Variants in CCDC142 observed in about 807,000 individuals in gnomAD.
CCDC142 encodes the protein coiled-coil domain-containing protein 142.
A neutral mutation model predicts 83.8 loss-of-function variants in CCDC142; 67 were observed. The observed-to-expected ratio is 0.80, with a 90% CI of 0.66 to 0.98. The LOEUF (loss-of-function observed/expected upper bound fraction) is 0.98. Ranked by LOEUF, CCDC142 falls within the 50% of genes least tolerant of loss-of-function variation. The pLI, the probability that CCDC142 is intolerant of heterozygous loss-of-function variation, is 0.00. For synonymous variants in CCDC142, 421 were observed against 421.2 expected, an observed-to-expected ratio of 1.00 and a Z score of 0.01; for missense variants, 905 against 946.8, an observed-to-expected ratio of 0.96 and a Z score of 0.58.
chr2:74,482,592 G>T lies in CCDC142; in HGVS notation c.246C>A (p.Gly82=). 1 of 1,603,920 alleles carries T rather than the reference G, an allele frequency of 6.2e-7. No homozygotes were observed. Among genetic ancestry groups the T allele is most frequent in the Non-Finnish European group, 8.5e-7 (1 of 1,175,466 alleles). The change falls in exon 1 of 9, where the codon GGC becomes GGA. Residue 82 remains glycine (G), a synonymous_variant. Transcript: ENST00000393965. The surrounding 1 kb of genome is among the most constrained non-coding windows in gnomAD (Gnocchi z 5.0). ...AAWRRGPAGG[G]PIPPALQRLR... is the part of the protein sequence containing the mutation. ...GACGCTGCAGCGCGGGAGGGATCGG[G>T]CCGCCACCTGCGGGCCCCCGCCTCC...
rs1672543285 is a variant in CCDC142 at position 74,482,424 on chromosome 2, G to C, written c.414C>G (p.Pro138=). The change falls in exon 1 of 9, where the codon CCC becomes CCG. Residue 138 remains proline, a synonymous_variant. Coordinates refer to ENST00000393965, the MANE Select transcript of CCDC142 (RefSeq NM_001365575.2). This position sits in a 1 kb window ranked among gnomAD's most constrained non-coding sequence, Gnocchi z 5.0. ...GCAGCTGCAGGTCGCGGCACCACTG[G>C]GGCAAGGGGCTAGGGCCGCCGGATG... ...GSPSGGPSPL[P]QWCRDLQLHP... 6.4e-7 allele frequency: 1 copy of C among 1,558,522 alleles called. No homozygotes were observed. The highest frequency in any genetic ancestry group is 8.7e-7 in the Non-Finnish European group (1 of 1,151,328).
rs1404684250 is a variant in CCDC142 at position 74,482,947 on chromosome 2, G to C, written c.-110C>G. ...GCAAGAGCCGTTTTCTCCAGTCCGG[G>C]AGTCGCGGGGACCTTCATGGACTCT... On this transcript the variant is annotated 5_prime_UTR_variant, in exon 1 of 9. Transcript: ENST00000393965. The surrounding 1 kb of genome is among the most constrained non-coding windows in gnomAD (Gnocchi z 5.0). 1.3e-6 allele frequency: 2 copies of C among 1,555,126 alleles called. No homozygotes were observed. Among genetic ancestry groups the C allele is most frequent in the Non-Finnish European group, 1.8e-6 (2 of 1,140,124 alleles).
In CCDC142 at chr2:74,474,676, C is replaced by T; in HGVS notation, c.2123G>A (p.Gly708Glu). ...AQTGQLQSTL[G>E]GRGPSPEGYL... ...GCCCTCCGGGCTAGGTCCCCTTCCT[C>T]CTAGTGTGCTTTGCAGCTGACCTGT... Residue 708 changes from glycine to glutamate, a missense_variant, in exon 9 of 9, where the codon GGA becomes GAA. Coordinates refer to ENST00000393965, the MANE Select transcript of CCDC142 (RefSeq NM_001365575.2). The T allele has an allele frequency of 6.2e-7, 1 of 1,614,232 alleles. No individual in the cohort carries two copies. The highest frequency in any genetic ancestry group is 1.1e-5 in the South Asian group (1 of 91,086).
rs1233185080 is a variant in CCDC142 at position 74,474,921 on chromosome 2, C to A, written c.1991G>T (p.Cys664Phe). Reference sequence around the variant, plus strand: ...AGCGAAGGGGAGTAACTCACAGCAACAGGGGGGCCTCCTGTGGACTTGAGA... The same window carrying A: ...AGCGAAGGGGAGTAACTCACAGCAAAAGGGGGGCCTCCTGTGGACTTGAGA... ...PKSQVHRRPPCCCACQEVQTT... is the reference protein window; with the variant it reads ...PKSQVHRRPPFCCACQEVQTT... Residue 664 changes from cysteine (C) to phenylalanine (F), a missense_variant, in exon 8 of 9, where the codon TGT becomes TTT. By Grantham distance (205) the Cys-to-Phe change is radical. This residue lies in a region of CCDC142 where 265 missense variants were observed against 288.9 expected (regional missense o/e 0.92). Coordinates refer to ENST00000393965, the MANE Select transcript of CCDC142 (RefSeq NM_001365575.2). The A allele has an allele frequency of 6.3e-7, 1 of 1,592,664 alleles. No homozygotes were observed. Among genetic ancestry groups the A allele is most frequent in the African/African-American group, 1.3e-5 (1 of 74,512 alleles).
intron 5 of CCDC142, among the ~76,000 whole-genome samples, chr2:74,479,327 C>T (rs1311945802): frequency 7.9e-5 from 12 of 152,130 alleles, no homozygotes; most frequent in East Asian, 1.9e-4. Flanking sequence ...CACCCCTATT[C>T]GGGGCAAAGA....
rs1672515595 is a variant in CCDC142, at chr2:74,482,159, C to G, written c.679G>C (p.Ala227Pro). 1.2e-6 allele frequency: 2 copies of G among 1,613,730 alleles called. No individual in the cohort carries two copies. Among genetic ancestry groups the G allele is most frequent in the East Asian group, 4.5e-5 (2 of 44,878 alleles). ...RKALSHVPGA[A>P]RPFPTSRVLR... ...ACACGGGACGTGGGGAAAGGACGTGCGGCCCCTGGGACGTGGCTCAAGGCT... is the reference window on the plus strand; with the variant it reads ...ACACGGGACGTGGGGAAAGGACGTGGGGCCCCTGGGACGTGGCTCAAGGCT... The change falls in exon 1 of 9, where the codon GCA (alanine) becomes CCA (proline). Residue 227 changes from alanine to proline, a missense_variant. Around this residue, in one of 3 missense-constraint regions of CCDC142, gnomAD observed 591 missense variants for 571.4 expected, o/e 1.03. Coordinates refer to ENST00000393965, the MANE Select transcript of CCDC142 (RefSeq NM_001365575.2). This position sits in a 1 kb window ranked among gnomAD's most constrained non-coding sequence, Gnocchi z 5.0.
intron 5 of CCDC142, among the ~76,000 whole-genome samples, chr2:74,478,619 C>CA (rs1423345576): frequency 1.3e-5 from 2 of 151,600 alleles, no homozygotes; most frequent in African/African-American, 4.8e-5. Context: ...TCAGGCGATC[C>CA]ACCCACCTTG....
rs1347504290 is a variant in CCDC142, at chr2:74,475,212, C to T, written c.1796+13G>A. ...TCCATTCACCCCCTGCCACTTCCAC[C>T]TTTACTCCTGACCTGAACCGAATCC... On this transcript the variant is annotated intron_variant, in intron 7 of 8. Transcript: ENST00000393965. The T allele has an allele frequency of 7.4e-6, 12 of 1,614,224 alleles. No individual in the cohort carries two copies. Among genetic ancestry groups the T allele is most frequent in the Non-Finnish European group, 9.3e-6 (11 of 1,180,026 alleles).
Position 74,480,752 on chromosome 2 carries a change from G to A in CCDC142, c.1503+17C>T. ...CATAGGGTCTTACACTGCCACTGTT[G>A]AGGCCCCTGTTCTCACCTGGATCTG... is the stretch of plus-strand genomic sequence containing the variant. On this transcript the variant is annotated intron_variant, in intron 5 of 8. Coordinates refer to ENST00000393965, the MANE Select transcript of CCDC142 (RefSeq NM_001365575.2). The A allele has an allele frequency of 4.4e-6, 7 of 1,580,252 alleles. No individual in the cohort carries two copies. The highest frequency in any genetic ancestry group is 6.1e-6 in the Non-Finnish European group (7 of 1,151,618).
rs750693754 is a variant in CCDC142 at position 74,481,889 on chromosome 2, G to T, written c.949C>A (p.Leu317Met). The change falls in exon 1 of 9, where the codon CTG (leucine) becomes ATG (methionine). Residue 317 changes from leucine (L) to methionine (M), a missense_variant. Leu to Met is a conservative substitution (Grantham distance 15). This residue lies in a region of CCDC142 where 591 missense variants were observed against 571.4 expected (regional missense o/e 1.03). Transcript: ENST00000393965. Reference sequence around the variant, plus strand: ...CTCCAGGGTCCCAGATTTAGGTCCAGACTCTGAGCACAGGCTGCCCACAGC... The same window carrying T: ...CTCCAGGGTCCCAGATTTAGGTCCATACTCTGAGCACAGGCTGCCCACAGC... ...TLLWAACAQS[L>M]DLNLGPWRDP... 2.9e-5 allele frequency: 47 copies of T among 1,614,170 alleles called. No individual in the cohort carries two copies. Among genetic ancestry groups the T allele is most frequent in the Non-Finnish European group, 3.9e-5 (46 of 1,180,024 alleles).
In CCDC142 at chr2:74,482,006, G is replaced by C. The variant is rs1572932983; in HGVS notation, c.832C>G (p.Leu278Val). 50 of 1,613,730 alleles carry C rather than the reference G, an allele frequency of 3.1e-5. No individual in the cohort carries two copies. The East Asian group carries it at 1.1e-3, about 35-fold the overall frequency. Reference sequence around the variant, plus strand: ...GCCACGCCCCCGACCAGGCCCAGCAGCCCTGGTAGCAGATCCCCCTCCTCT... The same window carrying C: ...GCCACGCCCCCGACCAGGCCCAGCACCCCTGGTAGCAGATCCCCCTCCTCT... The part of the protein sequence containing the change: ...CQEEGDLLPG[L>V]LGLVGGVAGS... Residue 278 changes from leucine to valine, a missense_variant, in exon 1 of 9, where the codon CTG becomes GTG. Around this residue, in one of 3 missense-constraint regions of CCDC142, gnomAD observed 591 missense variants for 571.4 expected, o/e 1.03. Coordinates refer to ENST00000393965, the MANE Select transcript of CCDC142 (RefSeq NM_001365575.2). The surrounding 1 kb of genome is among the most constrained non-coding windows in gnomAD (Gnocchi z 5.0).
chr2:74,481,555 C>T lies in CCDC142; in HGVS notation c.1022-17G>A. ...GCAGGGATGCTAGTGGGAGAAATGACTCTGGGGCCTGAAAACAAGGTCTCA... is the reference window on the plus strand; with the variant it reads ...GCAGGGATGCTAGTGGGAGAAATGATTCTGGGGCCTGAAAACAAGGTCTCA... On this transcript the variant is annotated splice_polypyrimidine_tract_variant and intron_variant, in intron 1 of 8. Transcript: ENST00000393965. 2 of 1,612,154 alleles carry T rather than the reference C, an allele frequency of 1.2e-6. No individual in the cohort carries two copies. The highest frequency in any genetic ancestry group is 1.1e-5 in the South Asian group (1 of 90,996).
intron 7 of CCDC142, 32 bp from the exon 8 acceptor site, chr2:74,475,147 C>G: frequency 6.2e-7 from 1 of 1,610,890 alleles, no homozygotes; most frequent in African/African-American, 1.3e-5. Flanking sequence ...GGCCACTTGA[C>G]CCTCCTGCCT....
intron 5 of CCDC142, among the ~76,000 whole-genome samples, chr2:74,476,316 G>T (rs1379509637): frequency 2.0e-5 from 3 of 152,104 alleles, no homozygotes; most frequent in Non-Finnish European, 2.9e-5. Flanking sequence ...GGGACTACAG[G>T]AGTGCACCAC....
chr2:74,481,054 G>A lies in CCDC142; in HGVS notation c.1291C>T (p.Leu431Phe). 1 of 1,614,020 alleles carries A rather than the reference G, an allele frequency of 6.2e-7. No individual in the cohort carries two copies. Among genetic ancestry groups the A allele is most frequent in the Non-Finnish European group, 8.5e-7 (1 of 1,179,974 alleles). Residue 431 changes from leucine to phenylalanine, a missense_variant, in exon 4 of 9, where the codon CTT becomes TTT. Around this residue, in one of 3 missense-constraint regions of CCDC142, gnomAD observed 591 missense variants for 571.4 expected, o/e 1.03. Coordinates refer to ENST00000393965, the MANE Select transcript of CCDC142 (RefSeq NM_001365575.2). The part of the protein sequence containing the change: ...PAPVALGLCT[L>F]QTTLLWFLGR... ...AGGAACCAGAGCAAGGTGGTCTGAA[G>A]GGTACAGAGACCTAGGGCGACAGGC...
chr2:74,475,347 C>T lies in CCDC142; in HGVS notation c.1674G>A (p.Glu558=). ...ACCCTTGCAATCCTTGCAACACAGG[C>T]TCCAGTACGGTGCGGACCACTAAAC... ...YAGLVVRTVL[E]PVLQGLQGLP... Residue 558 remains glutamate, a synonymous_variant, in exon 7 of 9, where the codon GAG becomes GAA. Transcript: ENST00000393965. The T allele has an allele frequency of 6.2e-7, 1 of 1,611,992 alleles. No individual in the cohort carries two copies.
At position 74,482,356 on chromosome 2, in the gene CCDC142, G is replaced by A; in HGVS notation, c.482C>T (p.Thr161Ile). ...GAVLRIGPGE[T>I]LEPLLLARPI... ...GCGCGCTAGCAGCAGCGGCTCGAGA[G>A]TCTCCCCAGGGCCGATTCGCAGAAC... Residue 161 changes from threonine to isoleucine, a missense_variant, in exon 1 of 9, where the codon ACT becomes ATT. Physicochemically the swap from Thr to Ile is moderately conservative, Grantham distance 89 (BLOSUM62 -1). This residue lies in a region of CCDC142 where 591 missense variants were observed against 571.4 expected (regional missense o/e 1.03). Coordinates refer to ENST00000393965, the MANE Select transcript of CCDC142 (RefSeq NM_001365575.2). This position sits in a 1 kb window ranked among gnomAD's most constrained non-coding sequence, Gnocchi z 5.0. The A allele has an allele frequency of 3.1e-6, 5 of 1,593,406 alleles. No homozygotes were observed. The highest frequency in any genetic ancestry group is 4.3e-6 in the Non-Finnish European group (5 of 1,171,686).
intron 5 of CCDC142, among the ~76,000 whole-genome samples, chr2:74,478,307 C>A (rs371141627): frequency 6.6e-6 from 1 of 151,408 alleles, no homozygotes; most frequent in East Asian, 1.9e-4. Context: ...GATGATCCAC[C>A]TGCCTCGGTT....
chr2:74,482,239 G>A lies in CCDC142; in HGVS notation c.599C>T (p.Ser200Phe), dbSNP rs1454608837. The change falls in exon 1 of 9, where the codon TCC (serine) becomes TTC (phenylalanine). Residue 200 changes from serine to phenylalanine, a missense_variant. Around this residue, in one of 3 missense-constraint regions of CCDC142, gnomAD observed 591 missense variants for 571.4 expected, o/e 1.03. Transcript: ENST00000393965. The surrounding 1 kb of genome is among the most constrained non-coding windows in gnomAD (Gnocchi z 5.0). ...GREPASPGLS[S>F]QLAELLFALP... Reference sequence around the variant, plus strand: ...TGCAAAGAGCAGCTCGGCGAGTTGGGACGACAGGCCCGGGCTGGCGGGCTC... The same window carrying A: ...TGCAAAGAGCAGCTCGGCGAGTTGGAACGACAGGCCCGGGCTGGCGGGCTC... 2 of 1,613,300 alleles carry A rather than the reference G, an allele frequency of 1.2e-6. No individual in the cohort carries two copies. The highest frequency in any genetic ancestry group is 1.7e-6 in the Non-Finnish European group (2 of 1,179,918).
Sources: allele counts gnomAD v4.1 joint callset (sites outside exome capture counted in the v4.1 genomes callset), GRCh38; gene constraint gnomAD v4.1.1; regional missense constraint gnomAD v4.1.1; non-coding constraint Gnocchi (gnomAD v3.1); transcripts MANE v1.5; gene names NCBI Gene and HGNC (gene_info 2026-07-23, HGNC 2026-07-21).